PRG4: variants seen among roughly 807,000 people sequenced by gnomAD.
The protein encoded by PRG4 is proteoglycan 4.
PRG4 carries 61 observed loss-of-function variants against 91.2 expected under a neutral mutation model. That is an observed-to-expected ratio of 0.67 (90% CI 0.54 to 0.83). PRG4 has a LOEUF of 0.83. PRG4 is among the 40% of genes least tolerant of loss of function. PRG4 has a pLI of 0.00. For missense variants in PRG4, 1,564 were observed against 1,714.2 expected, an observed-to-expected ratio of 0.91 and a Z score of 1.55; for synonymous variants, 576 against 614.2, an observed-to-expected ratio of 0.94 and a Z score of 0.92.
At chr1:186,300,960 C>T (rs1264520342) in intron 3 of PRG4, among the ~76,000 whole-genome samples, 1 of 152,046 alleles carries the variant, frequency 6.6e-6, no homozygotes, top group Non-Finnish European at 1.5e-5. Flanking sequence ...TTCAAATAAG[C>T]CTTGGTAAGT....
Position 186,308,966 on chromosome 1 carries a change from C to A in PRG4, c.3247C>A (p.Pro1083Thr), listed in dbSNP as rs1474963552. 1 of 1,607,470 alleles carries A rather than the reference C, an allele frequency of 6.2e-7. No individual in the cohort carries two copies. The highest frequency in any genetic ancestry group is 1.1e-5 in the South Asian group (1 of 90,284). The change falls in exon 7 of 13, where the codon CCA becomes ACA. Residue 1083 changes from proline to threonine, a missense_variant. Around this residue, in one of 3 missense-constraint regions of PRG4, gnomAD observed 1,079 missense variants for 1,162.2 expected, o/e 0.93. Coordinates refer to ENST00000445192, the MANE Select transcript of PRG4 (RefSeq NM_005807.6). The part of the protein sequence containing the change: ...LQTTTRPNQT[P>T]NSKLVEVNPK... Reference sequence around the variant, plus strand: ...AACCACCACCAGACCTAACCAAACTCCAAACTCCAAACTAGTTGAAGTAAA... The same window carrying A: ...AACCACCACCAGACCTAACCAAACTACAAACTCCAAACTAGTTGAAGTAAA...
At position 186,306,338 on chromosome 1, in the gene PRG4, A is replaced by C; in HGVS notation, c.619A>C (p.Arg207=). The change falls in exon 7 of 13, where the codon AGA becomes CGA. Residue 207 remains arginine (R), a synonymous_variant. Coordinates refer to ENST00000445192, the MANE Select transcript of PRG4 (RefSeq NM_005807.6). The part of the protein sequence containing the change: ...KLKVKDNKKN[R]TKKKPTPKPP... ...TCCAGTAAAAGATAACAAGAAGAAC[A>C]GAACTAAAAAGAAACCTACCCCCAA... 2.5e-6 allele frequency: 4 copies of C among 1,598,054 alleles called. No homozygotes were observed. Among genetic ancestry groups the C allele is most frequent in the Non-Finnish European group, 3.4e-6 (4 of 1,174,626 alleles).
At position 186,304,098 on chromosome 1, in the gene PRG4, T is replaced by C. The variant is rs748566782; in HGVS notation, c.320-10T>C. On this transcript the variant is annotated splice_polypyrimidine_tract_variant and intron_variant, in intron 4 of 12. Coordinates refer to ENST00000445192, the MANE Select transcript of PRG4 (RefSeq NM_005807.6). ...CAAGATGTTAACTGACTTGTCTTACTTGGCCTCAGTGCATAATCCCACATC... is the reference window on the plus strand; with the variant it reads ...CAAGATGTTAACTGACTTGTCTTACCTGGCCTCAGTGCATAATCCCACATC... 3 of 1,613,950 alleles carry C rather than the reference T, an allele frequency of 1.9e-6. No homozygotes were observed. Among genetic ancestry groups the C allele is most frequent in the Middle Eastern group, 1.6e-4 (1 of 6,062 alleles).
At position 186,300,601 on chromosome 1, in the gene PRG4, G is replaced by A. The variant is rs532592357; in HGVS notation, c.199+388G>A. Among the ~76,000 whole-genome samples the A allele has an allele frequency of 3.9e-5, 6 of 152,224 alleles. No homozygotes were observed. The South Asian group carries it at 1.2e-3, about 32-fold the overall frequency. On this transcript the variant is annotated intron_variant, in intron 3 of 12. Transcript: ENST00000445192. ...CAGAGATGTCCTCGACTAGTAATGA[G>A]GACTTTCAATAGTTTCATCAAAAGA...
chr1:186,307,565 A>T lies in PRG4; in HGVS notation c.1846A>T (p.Thr616Ser), dbSNP rs761029260. The T allele has an allele frequency of 5.0e-6, 7 of 1,393,774 alleles. No individual in the cohort carries two copies. Among genetic ancestry groups the T allele is most frequent in the Non-Finnish European group, 5.7e-6 (6 of 1,060,724 alleles). The allele number at this position is 1,393,774 out of a possible 1,614,324, so 86.3% of individuals were successfully genotyped here. A position where few individuals can be genotyped will look rare whatever the true frequency, so the allele number is the denominator to read the frequency against. ...GCCTGCCCCAACTACCCCCAAGGAG[A>T]CTGCACCCACCACCCCCAAGAAGCT... ...KEPAPTTPKE[T>S]APTTPKKLTP... Residue 616 changes from threonine to serine, a missense_variant, in exon 7 of 13, where the codon ACT (threonine) becomes TCT (serine). This residue lies in a region of PRG4 where 1,079 missense variants were observed against 1,162.2 expected (regional missense o/e 0.93). Coordinates refer to ENST00000445192, the MANE Select transcript of PRG4 (RefSeq NM_005807.6).
rs113383997 is a variant in PRG4, at chr1:186,306,465, C to T, written c.746C>T (p.Ser249Phe). The T allele has an allele frequency of 6.2e-7, 1 of 1,613,758 alleles. No homozygotes were observed. The highest frequency in any genetic ancestry group is 1.1e-5 in the South Asian group (1 of 91,080). ...ACCCAACACAATAAAGTCAGCACAT[C>T]TCCCAAGATCACAACAGCAAAACCA... ...STTQHNKVSTSPKITTAKPIN... is the reference protein window; with the variant it reads ...STTQHNKVSTFPKITTAKPIN... The change falls in exon 7 of 13, where the codon TCT becomes TTT. Residue 249 changes from serine to phenylalanine, a missense_variant. Around this residue, in one of 3 missense-constraint regions of PRG4, gnomAD observed 437 missense variants for 459.0 expected, o/e 0.95. Coordinates refer to ENST00000445192, the MANE Select transcript of PRG4 (RefSeq NM_005807.6).
At chr1:186,302,081 T>A (rs1456232150) in intron 4 of PRG4, among the ~76,000 whole-genome samples, 1 of 152,208 alleles carries the variant, frequency 6.6e-6, no homozygotes, top group Admixed American at 6.5e-5. Context: ...AAGTCAACTA[T>A]CCTTTGAGCT....
chr1:186,314,140 TTG>T lies in PRG4; in HGVS notation c.*363_*364del. ...TCTAGGCATTGTGGATATAAAACTGTTGGGTATTCTACAACTTCAATGGAAAT... is the reference window on the plus strand; with the variant it reads ...TCTAGGCATTGTGGATATAAAACTGTGGTATTCTACAACTTCAATGGAAAT... On this transcript the variant is annotated 3_prime_UTR_variant, in exon 13 of 13. Transcript: ENST00000445192. 1 of 931,090 alleles carries T rather than the reference TTG, an allele frequency of 1.1e-6. No individual in the cohort carries two copies. The highest frequency in any genetic ancestry group is 1.6e-6 in the Non-Finnish European group (1 of 620,116). The allele number at this position is 931,090 out of a possible 1,614,324, so 57.7% of individuals were successfully genotyped here. A position where few individuals can be genotyped will look rare whatever the true frequency, so the allele number is the denominator to read the frequency against.
chr1:186,313,913 C>T lies in PRG4; in HGVS notation c.*135C>T. On this transcript the variant is annotated 3_prime_UTR_variant, in exon 13 of 13. Coordinates refer to ENST00000445192, the MANE Select transcript of PRG4 (RefSeq NM_005807.6). ...TAAAAATGTTTTTAAACTTGACAAT[C>T]ATTACACTAAAACAGATTTGATAAT... The T allele has an allele frequency of 6.4e-7, 1 of 1,570,490 alleles. No homozygotes were observed. The highest frequency in any genetic ancestry group is 8.8e-7 in the Non-Finnish European group (1 of 1,142,420).
chr1:186,303,707 CAG>C (rs917399329), intron 4 of PRG4, among the ~76,000 whole-genome samples: 3 of 151,736 alleles, frequency 2.0e-5, no homozygotes, highest in Non-Finnish European at 4.4e-5. Flanking sequence ...AATATTAAAA[CAG>C]AAAAAAATGA....
At position 186,309,067 on chromosome 1, in the gene PRG4, T is replaced by G; in HGVS notation, c.3348T>G (p.Pro1116=). ...TTCTCAGGCCCCATGTGTTCATGCCTGAAGTTACTCCCGACATGGATTACT... is the reference window on the plus strand; with the variant it reads ...TTCTCAGGCCCCATGTGTTCATGCCGGAAGTTACTCCCGACATGGATTACT... ...HMLLRPHVFM[P]EVTPDMDYLP... is the part of the protein sequence containing the mutation. Residue 1116 remains proline, a synonymous_variant, in exon 7 of 13, where the codon CCT becomes CCG. Coordinates refer to ENST00000445192, the MANE Select transcript of PRG4 (RefSeq NM_005807.6). The G allele has an allele frequency of 6.2e-7, 1 of 1,614,056 alleles. No homozygotes were observed. Among genetic ancestry groups the G allele is most frequent in the African/African-American group, 1.3e-5 (1 of 75,040 alleles).
chr1:186,304,760 G>A (rs752300322), intron 5 of PRG4, 34 bp from the exon 6 acceptor site: 1 of 1,597,492 alleles, frequency 6.3e-7, no homozygotes, highest in African/African-American at 1.3e-5. Context: ...TTAAATCACA[G>A]TTGGTGTGAT....
At position 186,308,488 on chromosome 1, in the gene PRG4, C is replaced by T. The variant is rs768636935; in HGVS notation, c.2769C>T (p.Asp923=). 1.2e-6 allele frequency: 2 copies of T among 1,613,700 alleles called. No individual in the cohort carries two copies. The highest frequency in any genetic ancestry group is 2.7e-5 in the African/African-American group (2 of 74,902). ...CTAAAGACAAGACAACAGAAAGAGA[C>T]TTACGTACTACACCTGAAACTACAA... The part of the protein sequence containing the change: ...TTAKDKTTER[D]LRTTPETTTA... Residue 923 remains aspartate (D), a synonymous_variant, in exon 7 of 13, where the codon GAC becomes GAT. Coordinates refer to ENST00000445192, the MANE Select transcript of PRG4 (RefSeq NM_005807.6).
chr1:186,299,986 A>T, intron 2 of PRG4, 105 bp from the exon 3 acceptor site: 1 of 1,377,490 alleles, frequency 7.3e-7, no homozygotes, highest in Non-Finnish European at 1.0e-6. Context: ...CACCTTCTCG[A>T]TCAATAAAAT....
chr1:186,309,892 T>G, intron 8 of PRG4, 22 bp downstream of exon 8: 1 of 1,595,222 alleles, frequency 6.3e-7, no homozygotes, highest in Non-Finnish European at 8.6e-7. Flanking sequence ...ACACATTTAT[T>G]TTTCTTCTCA....
In PRG4 at chr1:186,307,289, C is replaced by CCCA. The variant is rs762982967; in HGVS notation, c.1580_1582dup (p.Thr527dup). The CCCA allele has an allele frequency of 2.5e-6, 4 of 1,595,402 alleles. No individual in the cohort carries two copies. Among genetic ancestry groups the CCCA allele is most frequent in the African/African-American group, 2.9e-5 (2 of 68,982 alleles). ...ACCCACCACTCCCAAGGAGCCTGCA[C>CCCA]CCACCACCACCAAGTCTGCACCCAC... On this transcript the variant is annotated inframe_insertion, in exon 7 of 13. Coordinates refer to ENST00000445192, the MANE Select transcript of PRG4 (RefSeq NM_005807.6).
At position 186,304,257 on chromosome 1, in the gene PRG4, G is replaced by A. The variant is rs145383851; in HGVS notation, c.469G>A (p.Glu157Lys). ...TATAGAATCAGAGGAAATAACAGAA[G>A]GTAGGAAGATGACAGATATAATCAA... is the stretch of plus-strand genomic sequence containing the variant. The part of the protein sequence containing the change: ...KVIESEEITE[E>K]HSVSENQESS... The change falls in exon 5 of 13, where the codon GAA becomes AAA. Residue 157 changes from glutamate (E) to lysine (K), a missense_variant and splice_region_variant. By Grantham distance (56) the Glu-to-Lys change is moderately conservative (BLOSUM62 1). Coordinates refer to ENST00000445192, the MANE Select transcript of PRG4 (RefSeq NM_005807.6). 1.8e-4 allele frequency: 287 copies of A among 1,612,224 alleles called. No homozygotes were observed. The highest frequency in any genetic ancestry group is 2.3e-4 in the Non-Finnish European group (275 of 1,178,460).
chr1:186,302,612 T>C (rs968174267), intron 4 of PRG4, among the ~76,000 whole-genome samples: 4 of 152,200 alleles, frequency 2.6e-5, no homozygotes, highest in Non-Finnish European at 4.4e-5. Flanking sequence ...ATCAGCAGAA[T>C]TGAGAGATGT....
rs1315737315 is a variant in PRG4 at position 186,314,500 on chromosome 1, A to G, written c.*722A>G. ...ACAGATTGGTAAATATCACCTGCTC[A>G]ACATGTAATTATTTAATAAAACTTT... On this transcript the variant is annotated 3_prime_UTR_variant, in exon 13 of 13. Transcript: ENST00000445192. The G allele has an allele frequency of 3.3e-6, 2 of 611,006 alleles. No homozygotes were observed. The highest frequency in any genetic ancestry group is 1.9e-5 in the African/African-American group (1 of 53,654). 37.8% of individuals were successfully genotyped at this position (611,006 alleles called of 1,614,324 possible).
Sources: allele counts gnomAD v4.1 joint callset (sites outside exome capture counted in the v4.1 genomes callset), GRCh38; gene constraint gnomAD v4.1.1; regional missense constraint gnomAD v4.1.1; transcripts MANE v1.5; gene names NCBI Gene and HGNC (gene_info 2026-07-23, HGNC 2026-07-21).